EFCAB11: variants seen among roughly 807,000 people sequenced by gnomAD.
The protein encoded by EFCAB11 is EF-hand calcium-binding domain-containing protein 11.
EFCAB11 carries 14 observed loss-of-function variants against 23.0 expected under a neutral mutation model. The observed-to-expected ratio is 0.61, with a 90% CI of 0.40 to 0.95. The LOEUF is 0.95. EFCAB11 is among the 40% of genes least tolerant of loss of function. The pLI, the probability that EFCAB11 is intolerant of heterozygous loss-of-function variation, is 0.00. For missense variants in EFCAB11, 198 were observed against 195.8 expected, an observed-to-expected ratio of 1.01 and a Z score of -0.07; for synonymous variants, 65 against 66.6, an observed-to-expected ratio of 0.98 and a Z score of 0.11.
Position 89,904,244 on chromosome 14 carries a change from T to C in EFCAB11, c.410+27297A>G, listed in dbSNP as rs142603623. Among the ~76,000 whole-genome samples the C allele has an allele frequency of 8.6e-3, 1,305 of 152,234 alleles. 49 individuals are homozygous for C. Among genetic ancestry groups the C allele is most frequent in the Admixed American group, 0.079 (1,211 of 15,278 alleles). ...CATGCAGTGTTTGGTTTTCTGTCCT[T>C]GTGAGTTTGCTTAGAATGATGGTTT... is the stretch of plus-strand genomic sequence containing the variant. On this transcript the variant is annotated intron_variant, in intron 5 of 5. Coordinates refer to ENST00000316738, the MANE Select transcript of EFCAB11 (RefSeq NM_145231.4).
intron 5 of EFCAB11, among the ~76,000 whole-genome samples, chr14:89,851,051 GTTATA>G (rs1192393419): frequency 6.6e-6 from 1 of 152,136 alleles, no homozygotes; most frequent in Non-Finnish European, 1.5e-5. Context: ...TCTACCTTTA[GTTATA>G]TTATAGGAAT....
At chr14:89,924,827 C>G (rs1378412625) in intron 5 of EFCAB11, 12 of 967,546 alleles carry the variant, frequency 1.2e-5, no homozygotes, top group Non-Finnish European at 1.8e-5. Flanking sequence ...ATAAATTAAA[C>G]CACGAAGAAA....
chr14:89,823,715 A>G (rs991615113), intron 5 of EFCAB11, among the ~76,000 whole-genome samples: 2 of 152,218 alleles, frequency 1.3e-5, no homozygotes, highest in African/African-American at 2.4e-5. Context: ...GAAGGCATGG[A>G]TATAGTAAAG....
intron 5 of EFCAB11, among the ~76,000 whole-genome samples, chr14:89,885,547 G>T (rs1440694978): frequency 6.6e-6 from 1 of 152,082 alleles, no homozygotes; most frequent in East Asian, 1.9e-4. Context: ...GCGTGGTAGC[G>T]TGCGCCTGTA....
At chr14:89,935,994 T>G (rs577335108) in intron 3 of EFCAB11, among the ~76,000 whole-genome samples, 4 of 151,448 alleles carry the variant, frequency 2.6e-5, no homozygotes, top group Non-Finnish European at 5.9e-5. Context: ...GGTGACAGAG[T>G]AAGACTCTGT....
Position 89,872,529 on chromosome 14 carries a change from C to T in EFCAB11, c.410+59012G>A, listed in dbSNP as rs186865124. ...TCTGACGGTGATATGGAAGATACGT[C>T]AGAATGTAGATGATACTGGAGGTAT... On this transcript the variant is annotated intron_variant, in intron 5 of 5. Transcript: ENST00000316738. Among the ~76,000 whole-genome samples the T allele has an allele frequency of 9.9e-4, 150 of 152,192 alleles. 1 individual carries two copies. The highest frequency in any genetic ancestry group is 1.9e-3 in the Non-Finnish European group (127 of 68,016).
chr14:89,950,159 A>C lies in EFCAB11; in HGVS notation c.172-17T>G. 3.2e-6 allele frequency: 5 copies of C among 1,552,008 alleles called. No homozygotes were observed. The highest frequency in any genetic ancestry group is 4.4e-6 in the Non-Finnish European group (5 of 1,137,302). On this transcript the variant is annotated splice_polypyrimidine_tract_variant and intron_variant, in intron 2 of 5. Coordinates refer to ENST00000316738, the MANE Select transcript of EFCAB11 (RefSeq NM_145231.4). ...CACTTCTATCTAGAAAAGAGGAAAA[A>C]ATAATAGAACATGTAATTTTATCAC...
At chr14:89,876,391 T>A (rs1173462734) in intron 5 of EFCAB11, among the ~76,000 whole-genome samples, 1 of 152,210 alleles carries the variant, frequency 6.6e-6, no homozygotes, top group East Asian at 1.9e-4. Flanking sequence ...AACATCATCA[T>A]TACAATGAGT....
intron 5 of EFCAB11, among the ~76,000 whole-genome samples, chr14:89,801,392 C>T (rs762760330): frequency 6.6e-6 from 1 of 152,170 alleles, no homozygotes; most frequent in African/African-American, 2.4e-5. Flanking sequence ...TCTGTCTGAA[C>T]GTGCAGCAGA....
intron 5 of EFCAB11, among the ~76,000 whole-genome samples, chr14:89,803,435 T>G (rs959896330): frequency 1.3e-5 from 2 of 152,194 alleles, no homozygotes; most frequent in African/African-American, 4.8e-5. Context: ...CACTGACAGA[T>G]AGTAATTATT....
intron 5 of EFCAB11, chr14:89,923,901 C>G (rs1262729233): frequency 1.0e-5 from 10 of 985,378 alleles, no homozygotes; most frequent in Non-Finnish European, 1.2e-5. Context: ...AAAAGAGACG[C>G]AAATGACTTG....
intron 5 of EFCAB11, among the ~76,000 whole-genome samples, chr14:89,928,493 T>C (rs1036712118): frequency 6.6e-6 from 1 of 151,860 alleles, no homozygotes; most frequent in African/African-American, 2.4e-5. Context: ...TGTAAATACA[T>C]AGATCTAAAT....
At chr14:89,898,153 C>T (rs914253591) in intron 5 of EFCAB11, among the ~76,000 whole-genome samples, 1 of 152,130 alleles carries the variant, frequency 6.6e-6, no homozygotes, top group East Asian at 1.9e-4. Context: ...AACCCTGGGT[C>T]CTAATCCTAT....
chr14:89,933,653 G>A (rs367853454), intron 3 of EFCAB11, among the ~76,000 whole-genome samples: 1 of 152,196 alleles, frequency 6.6e-6, no homozygotes, highest in Non-Finnish European at 1.5e-5. Context: ...GCCAGGCACT[G>A]TATTAAGCTT....
chr14:89,908,193 G>T (rs1245978144), intron 5 of EFCAB11, among the ~76,000 whole-genome samples: 2 of 152,092 alleles, frequency 1.3e-5, no homozygotes, highest in African/African-American at 4.8e-5. Flanking sequence ...CTTTCCCTAG[G>T]GTTAAGTCTA....
At position 89,801,196 on chromosome 14, in the gene EFCAB11, C is replaced by T. The variant is rs955074985; in HGVS notation, c.411-3872G>A. Among the ~76,000 whole-genome samples the T allele has an allele frequency of 2.0e-5, 3 of 152,120 alleles. No individual in the cohort carries two copies. The South Asian group carries it at 6.2e-4, about 31-fold the overall frequency. On this transcript the variant is annotated intron_variant, in intron 5 of 5. Transcript: ENST00000316738. ...ACAGTCATGAAATTCCCCAATGATG[C>T]GATGATCAAAAGTCCTTCAATTGAC... is the stretch of plus-strand genomic sequence containing the variant.
intron 5 of EFCAB11, among the ~76,000 whole-genome samples, chr14:89,888,473 A>AT (rs1243191003): frequency 2.0e-5 from 3 of 152,230 alleles, no homozygotes; most frequent in Non-Finnish European, 4.4e-5. Flanking sequence ...AGGAGCAGGC[A>AT]TGTCACATGG....
At chr14:89,907,121 C>T (rs944921609) in intron 5 of EFCAB11, among the ~76,000 whole-genome samples, 4 of 152,160 alleles carry the variant, frequency 2.6e-5, no homozygotes, top group Non-Finnish European at 5.9e-5. Flanking sequence ...CAGTTTCCCA[C>T]GACTATGACA....
At chr14:89,873,683 A>T (rs1596415158) in intron 5 of EFCAB11, among the ~76,000 whole-genome samples, 3 of 152,228 alleles carry the variant, frequency 2.0e-5, no homozygotes, top group Admixed American at 2.0e-4. Context: ...TACAGGCCCC[A>T]TGCAACTCCT....
Sources: allele counts gnomAD v4.1 joint callset (sites outside exome capture counted in the v4.1 genomes callset), GRCh38; gene constraint gnomAD v4.1.1; transcripts MANE v1.5; gene names NCBI Gene and HGNC (gene_info 2026-07-23, HGNC 2026-07-21).